The following PAQR3 variants were observed in gnomAD, a reference collection of about 807,000 sequenced individuals.
The protein encoded by PAQR3 is Raf kinase trapping to Golgi.
PAQR3 carries 39 observed loss-of-function variants against 41.7 expected under a neutral mutation model. The ratio of observed to expected loss-of-function variants is 0.93; its 90% CI spans 0.72 to 1.22. PAQR3 has a LOEUF of 1.22. PAQR3 is among the 50% of genes most tolerant of loss of function. PAQR3 has a pLI of 0.00. For synonymous variants in PAQR3, 140 were observed against 140.6 expected, an observed-to-expected ratio of 1.00 and a Z score of 0.03; for missense variants, 366 against 385.6, an observed-to-expected ratio of 0.95 and a Z score of 0.42.
intron 11 of PAQR3, among the ~76,000 whole-genome samples, chr4:78,889,663 G>C (rs537685814): frequency 1.3e-5 from 2 of 152,126 alleles, no homozygotes; most frequent in Non-Finnish European, 2.9e-5. Context: ...CTCTACTAGC[G>C]TTGTGAGACT....
In PAQR3 at chr4:78,912,961, A is replaced by C. The variant is rs1734738617; in HGVS notation, c.*7578T>G. 1.3e-5 allele frequency: 2 copies of C among 152,298 alleles called. No individual in the cohort carries two copies. Among genetic ancestry groups the C allele is most frequent in the Admixed American group, 6.5e-5 (1 of 15,288 alleles). 9.4% of individuals were successfully genotyped at this position (152,298 alleles called of 1,614,324 possible). ...GGCCCTAATAAAGCAGATTATTGGA[A>C]AAATTGGAGGACAAGGGTTGTATAA... On this transcript the variant is annotated 3_prime_UTR_variant, in exon 6 of 6. Transcript: ENST00000512733.
intron 12 of PAQR3, chr4:78,887,352 A>G: frequency 8.6e-7 from 1 of 1,162,560 alleles, no homozygotes; most frequent in Non-Finnish European, 1.3e-6. Context: ...AAAATCTTAT[A>G]AAGTGGAAGT....
At chr4:78,895,116 A>C (rs981119152) in intron 11 of PAQR3, among the ~76,000 whole-genome samples, 1 of 152,216 alleles carries the variant, frequency 6.6e-6, no homozygotes, top group Non-Finnish European at 1.5e-5. Flanking sequence ...AAAGTTTTAA[A>C]TATTGTAAGA....
chr4:78,926,759 A>C, intron 3 of PAQR3, 41 bp from the exon 4 acceptor site: 2 of 1,570,962 alleles, frequency 1.3e-6, no homozygotes, highest in Non-Finnish European at 1.7e-6. Flanking sequence ...TGTTATTAAC[A>C]ATAAAGGAAC....
In PAQR3 at chr4:78,919,936, T is replaced by C; in HGVS notation, c.*603A>G. On this transcript the variant is annotated 3_prime_UTR_variant, in exon 6 of 6. Transcript: ENST00000512733. ...CCCTTCTCTCAACTTACTGCAGAAG[T>C]TTAAAGCTTTTGTTCTGGAAAACTA... The C allele has an allele frequency of 1.0e-6, 1 of 985,250 alleles. No homozygotes were observed. The highest frequency in any genetic ancestry group is 1.2e-6 in the Non-Finnish European group (1 of 829,516). The allele number at this position is 985,250 out of a possible 1,614,324, so 61.0% of individuals were successfully genotyped here. A position where few individuals can be genotyped will look rare whatever the true frequency, so the allele number is the denominator to read the frequency against.
chr4:78,924,535 T>C (rs1417542363), intron 4 of PAQR3, among the ~76,000 whole-genome samples: 3 of 152,146 alleles, frequency 2.0e-5, no homozygotes. Context: ...GGCTCATGCC[T>C]GTAATCCTAC....
At chr4:78,908,132 C>T, downstream of PAQR3, among the ~76,000 whole-genome samples, 1 of 152,158 alleles carries the variant, frequency 6.6e-6, no homozygotes, top group East Asian at 1.9e-4. Flanking sequence ...ACAAATACAG[C>T]ATGTAGCTCT....
intron 4 of PAQR3, among the ~76,000 whole-genome samples, chr4:78,925,016 T>G (rs1012863877): frequency 1.3e-5 from 2 of 152,138 alleles, no homozygotes; most frequent in Admixed American, 6.6e-5. Flanking sequence ...TTAACTTTGT[T>G]AAAGTGCCTG....
chr4:78,909,055 CTTTTTTTTTTT>C (rs1053664659), downstream of PAQR3, among the ~76,000 whole-genome samples: 4 of 94,394 alleles, frequency 4.2e-5, no homozygotes, highest in Admixed American at 1.2e-4. Flanking sequence ...TTCCCTTAGT[CTTTTTTTTTTT>C]TTTTTTTTTT....
At chr4:78,935,984 T>G (rs1737388592) in intron 1 of PAQR3, among the ~76,000 whole-genome samples, 1 of 152,230 alleles carries the variant, frequency 6.6e-6, no homozygotes, top group African/African-American at 2.4e-5. Context: ...CTACGTGCTC[T>G]CTTTCAAAAT....
rs1440770331 is a variant in PAQR3, at chr4:78,913,046, G to T, written c.*7493C>A. On this transcript the variant is annotated 3_prime_UTR_variant, in exon 6 of 6. Transcript: ENST00000512733. ...ACTGAATTTTCAAGACATTTACAAT[G>T]TGAAATCATGTTGCATTTAACAATG... is the stretch of plus-strand genomic sequence containing the variant. 1.3e-5 allele frequency: 2 copies of T among 152,192 alleles called. No homozygotes were observed. The highest frequency in any genetic ancestry group is 1.5e-5 in the Non-Finnish European group (1 of 68,024). The allele number at this position is 152,192 out of a possible 1,614,324, so 9.4% of individuals were successfully genotyped here.
rs1384306722 is a variant in PAQR3, at chr4:78,913,274, T to A, written c.*7265A>T. The A allele has an allele frequency of 6.6e-6, 1 of 152,156 alleles. No individual in the cohort carries two copies. Among genetic ancestry groups the A allele is most frequent in the Non-Finnish European group, 1.5e-5 (1 of 68,002 alleles). 9.4% of individuals were successfully genotyped at this position (152,156 alleles called of 1,614,324 possible). On this transcript the variant is annotated 3_prime_UTR_variant, in exon 6 of 6. Transcript: ENST00000512733. Reference sequence around the variant, plus strand: ...ATCCTAAAATGCATATAAGGTGGACTAGCATCTTAATTCTGCTAGTTGATT... The same window carrying A: ...ATCCTAAAATGCATATAAGGTGGACAAGCATCTTAATTCTGCTAGTTGATT...
At chr4:78,910,174 A>C (rs1251298999), downstream of PAQR3, among the ~76,000 whole-genome samples, 3 of 152,198 alleles carry the variant, frequency 2.0e-5, no homozygotes, top group Admixed American at 2.0e-4. Context: ...CTGAGCAGGC[A>C]GGCTGTTCAT....
At position 78,926,588 on chromosome 4, in the gene PAQR3, C is replaced by G. The variant is rs772995297; in HGVS notation, c.635G>C (p.Gly212Ala). 9 of 1,614,002 alleles carry G rather than the reference C, an allele frequency of 5.6e-6. No individual in the cohort carries two copies. Among genetic ancestry groups the G allele is most frequent in the Non-Finnish European group, 7.6e-6 (9 of 1,179,930 alleles). ...GTGAAGAGTAGGAATCACTCCATAT[C>G]CCGAAACAGAACAAAAGATGATAGA... ...LRSIIFCSVSGYGVIPTLHWV... is the reference protein window; with the variant it reads ...LRSIIFCSVSAYGVIPTLHWV... The change falls in exon 4 of 6, where the codon GGA (glycine) becomes GCA (alanine). Residue 212 changes from glycine (G) to alanine (A), a missense_variant. Transcript: ENST00000512733.
chr4:78,923,868 C>T lies in PAQR3; in HGVS notation c.782G>A (p.Arg261Gln), dbSNP rs779349241. ...FLFYISKVPERYFPGQLNYLG... is the reference protein window; with the variant it reads ...FLFYISKVPEQYFPGQLNYLG... ...AAAGAGATACCTACCTGGAAAGTAC[C>T]GCTCTGGGACTTTGGAAATGTAGAA... The change falls in exon 5 of 6, where the codon CGG becomes CAG. Residue 261 changes from arginine to glutamine, a missense_variant. Arg to Gln is a conservative substitution (Grantham distance 43). Transcript: ENST00000512733. 1.3e-5 allele frequency: 21 copies of T among 1,610,162 alleles called. No homozygotes were observed. Among genetic ancestry groups the T allele is most frequent in the East Asian group, 4.5e-5 (2 of 44,844 alleles).
rs561418828 is a variant in PAQR3 at position 78,896,622 on chromosome 4, A to G, written c.*837-8474T>C. ...TTATTATACATGGTGAATGCAGTGCAGTGAGATCTCAACTATGAGACTAAT... is the reference window on the plus strand; with the variant it reads ...TTATTATACATGGTGAATGCAGTGCGGTGAGATCTCAACTATGAGACTAAT... On this transcript the variant is annotated intron_variant and NMD_transcript_variant, in intron 11 of 12. Transcript: ENST00000342820. 3.6e-4 allele frequency among the ~76,000 whole-genome samples: 55 copies of G among 152,346 alleles called. No individual in the cohort carries two copies. The South Asian group carries it at 4.6e-3, about 13-fold the overall frequency.
rs1301789191 is a variant in PAQR3, at chr4:78,921,787, CA to C, written c.794-1107del. 3 of 984,710 alleles carry C rather than the reference CA, an allele frequency of 3.0e-6. No homozygotes were observed. In the African/African-American group the frequency reaches 5.2e-5, roughly 17 times the overall value. The allele number at this position is 984,710 out of a possible 1,614,324, so 61.0% of individuals were successfully genotyped here. A position where few individuals can be genotyped will look rare whatever the true frequency, so the allele number is the denominator to read the frequency against. On this transcript the variant is annotated intron_variant, in intron 5 of 5. Coordinates refer to ENST00000512733, the MANE Select transcript of PAQR3 (RefSeq NM_001040202.2). ...GACTTGCCAGAGATAGTTTCTAAGG[CA>C]TTTATATATGAACATTTGAGACTAT...
rs1735239824 is a variant in PAQR3 at position 78,917,896 on chromosome 4, A to G, written c.*2643T>C. On this transcript the variant is annotated 3_prime_UTR_variant, in exon 6 of 6. Transcript: ENST00000512733. ...GTTCCTGATTCTAAAATATGATTTT[A>G]AAGCTGTTATGTATTACAAAGAATG... is the stretch of plus-strand genomic sequence containing the variant. 9 of 984,854 alleles carry G rather than the reference A, an allele frequency of 9.1e-6. No homozygotes were observed. The highest frequency in any genetic ancestry group is 1.1e-5 in the Non-Finnish European group (9 of 829,190). The allele number at this position is 984,854 out of a possible 1,614,324, so 61.0% of individuals were successfully genotyped here.
intron 2 of PAQR3, among the ~76,000 whole-genome samples, chr4:78,931,695 G>A (rs1253365097): frequency 1.3e-5 from 2 of 152,154 alleles, no homozygotes; most frequent in Non-Finnish European, 2.9e-5. Flanking sequence ...GGTGGGACTG[G>A]TGGGAAGAAA....
Sources: gnomAD v4.1 joint callset for allele counts (sites outside exome capture counted in the v4.1 genomes callset) on GRCh38, gnomAD v4.1.1 for gene constraint, MANE v1.5 for transcripts, NCBI Gene and HGNC (gene_info 2026-07-23, HGNC 2026-07-21) for gene names.